Variants in TTC28 observed in about 807,000 individuals in gnomAD.
TTC28 encodes the protein tetratricopeptide repeat protein 28.
A neutral mutation model predicts 198.0 loss-of-function variants in TTC28; 61 were observed. The observed-to-expected ratio is 0.31, with a 90% confidence interval of 0.25 to 0.38. TTC28 has a LOEUF of 0.38. TTC28 is among the 10% of genes least tolerant of loss of function. The probability of loss-of-function intolerance (pLI) is 1.00; values close to 1 mark genes in which losing one functional copy is unlikely to be tolerated. For missense variants in TTC28, 2,678 were observed against 3,164.0 expected (o/e 0.85, Z 3.69); for synonymous variants, 1,171 against 1,297.8 (o/e 0.90, Z 2.10).
rs866637718 is a variant in TTC28, at chr22:27,982,430, G to T, written c.7237C>A (p.Leu2413Met). 1 of 1,551,610 alleles carries T rather than the reference G, an allele frequency of 6.4e-7. No homozygotes were observed. The highest frequency in any genetic ancestry group is 1.4e-5 in the African/African-American group (1 of 73,128). ...KKEEGVDKLELKELSLQQHDG... is the reference protein window; with the variant it reads ...KKEEGVDKLEMKELSLQQHDG... ...TGCTGCTGCAGGGACAGCTCCTTCA[G>T]TTCAAGCTTATCCACTCCCTCCTCC... Residue 2413 changes from leucine (L) to methionine (M), a missense_variant, in exon 23 of 23, where the codon CTG (leucine) becomes ATG (methionine). By Grantham distance (15) the Leu-to-Met change is conservative (BLOSUM62 2). Coordinates refer to ENST00000397906, the MANE Select transcript of TTC28 (RefSeq NM_001145418.2). The surrounding 1 kb of genome is among the most constrained non-coding windows in gnomAD (Gnocchi z 5.2).
chr22:28,158,002 T>C (rs1169946198), intron 6 of TTC28, among the ~76,000 whole-genome samples: 2 of 152,030 alleles, frequency 1.3e-5, no homozygotes, highest in African/African-American at 4.8e-5. Flanking sequence ...GACATGATAT[T>C]ATACTTGGAA....
intron 2 of TTC28, among the ~76,000 whole-genome samples, chr22:28,421,295 A>ATAT (rs2047249337): frequency 6.6e-6 from 1 of 152,242 alleles, no homozygotes; most frequent in Admixed American, 6.5e-5. Flanking sequence ...AATTAAACAA[A>ATAT]TAAAACCACA....
intron 2 of TTC28, among the ~76,000 whole-genome samples, chr22:28,501,787 A>G (rs2048541363): frequency 6.6e-6 from 1 of 152,192 alleles, no homozygotes; most frequent in Non-Finnish European, 1.5e-5. Context: ...ATAGGACAGG[A>G]GTCTTTTTGC....
At chr22:28,567,383 T>C (rs1245993916) in intron 2 of TTC28, among the ~76,000 whole-genome samples, 1 of 144,756 alleles carries the variant, frequency 6.9e-6, no homozygotes, top group African/African-American at 2.5e-5. Flanking sequence ...AGCAAGACCC[T>C]GTCTCAAAAA....
intron 2 of TTC28, among the ~76,000 whole-genome samples, chr22:28,509,508 G>A (rs1484445091): frequency 6.6e-6 from 1 of 152,182 alleles, no homozygotes; most frequent in Non-Finnish European, 1.5e-5. Context: ...CAATGTACCA[G>A]AATCTCTGGG....
chr22:28,479,433 TAGTA>T (rs1373055776), intron 2 of TTC28, among the ~76,000 whole-genome samples: 1 of 152,128 alleles, frequency 6.6e-6, no homozygotes, highest in Non-Finnish European at 1.5e-5. Flanking sequence ...AAACCAAAAA[TAGTA>T]AGTATGTCTT....
At position 28,192,220 on chromosome 22, in the gene TTC28, C is replaced by G. The variant is rs185708629; in HGVS notation, c.934-28621G>C. Reference sequence around the variant, plus strand: ...CCAGCAAACTCCAACAGACTTGCAGCTGAGGGTCCTGACTGTCAGAAGGAA... The same window carrying G: ...CCAGCAAACTCCAACAGACTTGCAGGTGAGGGTCCTGACTGTCAGAAGGAA... On this transcript the variant is annotated intron_variant, in intron 5 of 22. Coordinates refer to ENST00000397906, the MANE Select transcript of TTC28 (RefSeq NM_001145418.2). 2.0e-3 allele frequency among the ~76,000 whole-genome samples: 304 copies of G among 152,302 alleles called. 1 individual carries two copies. Among genetic ancestry groups the G allele is most frequent in the African/African-American group, 7.1e-3 (296 of 41,556 alleles).
chr22:28,041,023 A>G (rs766514866), intron 12 of TTC28, among the ~76,000 whole-genome samples: 2 of 152,202 alleles, frequency 1.3e-5, no homozygotes, highest in Non-Finnish European at 2.9e-5. Flanking sequence ...TCCAACCTAC[A>G]AGGGATGTGA....
intron 5 of TTC28, among the ~76,000 whole-genome samples, chr22:28,224,287 TC>T (rs1246639567): frequency 1.3e-5 from 2 of 152,152 alleles, no homozygotes; most frequent in African/African-American, 4.8e-5. Flanking sequence ...AGATTCTGCA[TC>T]CCTCACCAAC....
chr22:28,094,286 G>C (rs748678147), intron 11 of TTC28, 41 bp from the exon 12 acceptor site: 54 of 1,478,768 alleles, frequency 3.7e-5, no homozygotes, highest in Non-Finnish European at 4.8e-5. Context: ...ACACAATTAG[G>C]GTCAGAGAAA....
intron 2 of TTC28, among the ~76,000 whole-genome samples, chr22:28,427,940 T>A (rs1441311215): frequency 1.3e-4 from 20 of 152,198 alleles, no homozygotes. Context: ...GGAGACAATA[T>A]GTACACCTCT....
intron 2 of TTC28, among the ~76,000 whole-genome samples, chr22:28,480,371 C>T (rs751396597): frequency 1.1e-4 from 17 of 152,172 alleles, no homozygotes; most frequent in Non-Finnish European, 1.9e-4. Context: ...GTGACCTCAT[C>T]ACCAACTTCT....
chr22:28,070,554 G>C (rs943054811), intron 12 of TTC28, among the ~76,000 whole-genome samples: 3 of 152,102 alleles, frequency 2.0e-5, no homozygotes, highest in Non-Finnish European at 4.4e-5. Context: ...GGACAAGATG[G>C]GTGGATCACC....
chr22:28,073,052 G>A (rs1046301262), intron 12 of TTC28, among the ~76,000 whole-genome samples: 1 of 152,102 alleles, frequency 6.6e-6, no homozygotes, highest in African/African-American at 2.4e-5. Flanking sequence ...GCCTGGCATG[G>A]GAGAAAAGAA....
rs11362041 is a variant in TTC28, at chr22:28,043,242, C to CAAAAAAAAAAAAAAAAAAAAAAAAAAA, written c.3933-12903_3933-12877dup. Among the ~76,000 whole-genome samples the CAAAAAAAAAAAAAAAAAAAAAAAAAAA allele has an allele frequency of 1.2e-4, 8 of 65,578 alleles. 1 individual carries two copies. The highest frequency in any genetic ancestry group is 6.1e-5 in the African/African-American group (1 of 16,402). The allele number at this position is 65,578 out of a possible 152,430, so 43.0% of individuals were successfully genotyped here. A position where few individuals can be genotyped will look rare whatever the true frequency, so the allele number is the denominator to read the frequency against. On this transcript the variant is annotated intron_variant, in intron 12 of 22. Transcript: ENST00000397906. Reference sequence around the variant, plus strand: ...TGCATAACAGAGTAAGACTCCATCTCAAAAAAAAAAAAAAAAAAAAAAAAA... The same window carrying CAAAAAAAAAAAAAAAAAAAAAAAAAAA: ...TGCATAACAGAGTAAGACTCCATCTCAAAAAAAAAAAAAAAAAAAAAAAAAAAAAAAAAAAAAAAAAAAAAAAAAAAA...
intron 15 of TTC28, chr22:27,999,815 C>T (rs1273156706): frequency 6.6e-6 from 1 of 152,530 alleles, no homozygotes; most frequent in East Asian, 1.9e-4. Flanking sequence ...ATGAGAAAAT[C>T]AGCATAAAGA....
intron 12 of TTC28, among the ~76,000 whole-genome samples, chr22:28,058,709 T>G (rs1940393357): frequency 6.6e-6 from 1 of 152,094 alleles, no homozygotes; most frequent in Admixed American, 6.6e-5. Context: ...TCTTAAATAT[T>G]TGATAGAATT....
chr22:28,028,656 C>G (rs1177251384), intron 13 of TTC28, among the ~76,000 whole-genome samples: 3 of 152,210 alleles, frequency 2.0e-5, no homozygotes, highest in African/African-American at 7.2e-5. Context: ...CCCAAGATGG[C>G]CAACAGCTGC....
At chr22:28,610,412 G>A (rs539470398) in intron 2 of TTC28, among the ~76,000 whole-genome samples, 10 of 152,272 alleles carry the variant, frequency 6.6e-5, no homozygotes, top group Admixed American at 3.3e-4. Context: ...AATCTTTGCC[G>A]TTCTGCAGCT....
Sources: allele counts gnomAD v4.1 joint callset (sites outside exome capture counted in the v4.1 genomes callset), GRCh38; gene constraint gnomAD v4.1.1; non-coding constraint Gnocchi (gnomAD v3.1); transcripts MANE v1.5; gene names NCBI Gene and HGNC (gene_info 2026-07-23, HGNC 2026-07-21).